CEP164: variants seen among roughly 807,000 people sequenced by gnomAD.
CEP164 encodes the protein centrosomal protein of 164 kDa.
A neutral mutation model predicts 182.7 loss-of-function variants in CEP164; 162 were observed. The observed-to-expected ratio is 0.89, with a 90% CI of 0.78 to 1.01. The LOEUF is 1.01. CEP164 is among the 50% of genes least tolerant of loss of function. The pLI, the probability that CEP164 is intolerant of heterozygous loss-of-function variation, is 0.00. For missense variants in CEP164, 1,735 were observed against 1,790.4 expected (o/e 0.97, Z 0.56); for synonymous variants, 661 against 690.0 (o/e 0.96, Z 0.66).
chr11:117,392,557 A>G lies in CEP164; in HGVS notation c.2423A>G (p.Gln808Arg). Residue 808 changes from glutamine (Q) to arginine (R), a missense_variant, in exon 19 of 33, where the codon CAG becomes CGG. Physicochemically the swap from Gln to Arg is conservative, Grantham distance 43 (BLOSUM62 1). Transcript: ENST00000278935. Reference sequence around the variant, plus strand: ...CAACAGAAAGAGGAGGCCCAGCTGCAGAAGTGCCTTGGGCAAGTGGAGCAC... The same window carrying G: ...CAACAGAAAGAGGAGGCCCAGCTGCGGAAGTGCCTTGGGCAAGTGGAGCAC... ...EAQQKEEAQL[Q>R]KCLGQVEHRV... 3 of 1,614,208 alleles carry G rather than the reference A, an allele frequency of 1.9e-6. No individual in the cohort carries two copies. Among genetic ancestry groups the G allele is most frequent in the Non-Finnish European group, 2.5e-6 (3 of 1,180,042 alleles).
intron 14 of CEP164, among the ~76,000 whole-genome samples, chr11:117,383,518 C>G (rs553828512): frequency 6.6e-6 from 1 of 152,192 alleles, no homozygotes; most frequent in East Asian, 1.9e-4. Flanking sequence ...TGGAATTATA[C>G]AGTATACAGG....
chr11:117,360,018 G>A (rs1823311752), intron 5 of CEP164, among the ~76,000 whole-genome samples: 1 of 152,196 alleles, frequency 6.6e-6, no homozygotes, highest in South Asian at 2.1e-4. Context: ...GAAAAGAAGG[G>A]ACCTGGTCAG....
intron 3 of CEP164, among the ~76,000 whole-genome samples, chr11:117,339,655 AG>A (rs765676110): frequency 1.1e-4 from 16 of 149,038 alleles, no homozygotes; most frequent in Non-Finnish European, 2.2e-4. Flanking sequence ...CAGCCTCCTG[AG>A]TAGCTAGAAC....
intron 18 of CEP164, 63 bp from the exon 19 acceptor site, chr11:117,392,433 A>C: frequency 6.3e-7 from 1 of 1,582,672 alleles, no homozygotes; most frequent in Non-Finnish European, 8.6e-7. Flanking sequence ...ACACATCCCC[A>C]CACAGCAGCT....
chr11:117,395,987 A>T, intron 24 of CEP164, 67 bp from the exon 25 acceptor site: 1 of 1,598,190 alleles, frequency 6.3e-7, no homozygotes, highest in Admixed American at 1.7e-5. Flanking sequence ...GATGGTTCTG[A>T]CCCACTTCAC....
At chr11:117,406,039 G>C (rs1239082322) in intron 27 of CEP164, among the ~76,000 whole-genome samples, 1 of 152,176 alleles carries the variant, frequency 6.6e-6, no homozygotes, top group Non-Finnish European at 1.5e-5. Context: ...GCCTCTGCCT[G>C]TTACCCATTT....
At chr11:117,377,925 T>C (rs2136061181) in intron 11 of CEP164, among the ~76,000 whole-genome samples, 1 of 152,274 alleles carries the variant, frequency 6.6e-6, no homozygotes, top group South Asian at 2.1e-4. Context: ...AGTGTCATGA[T>C]CTTGGCTCAC....
At chr11:117,355,418 G>A (rs1212052972) in intron 5 of CEP164, 2 of 1,289,640 alleles carry the variant, frequency 1.6e-6, no homozygotes, top group African/African-American at 3.0e-5. Flanking sequence ...CCAGGCCTCT[G>A]TCCACTCAAA....
In CEP164 at chr11:117,411,745, A is replaced by T. The variant is rs1323540679; in HGVS notation, c.4164-50A>T. 5 of 1,609,476 alleles carry T rather than the reference A, an allele frequency of 3.1e-6. No homozygotes were observed. In the South Asian group the frequency reaches 5.5e-5, roughly 18 times the overall value. Reference sequence around the variant, plus strand: ...TGATGGCCTCTGTGCATCCTCTGTCACTTCCGCGCCTCCTCTCTCCCCTCG... The same window carrying T: ...TGATGGCCTCTGTGCATCCTCTGTCTCTTCCGCGCCTCCTCTCTCCCCTCG... On this transcript the variant is annotated intron_variant, in intron 31 of 32. Coordinates refer to ENST00000278935, the MANE Select transcript of CEP164 (RefSeq NM_014956.5). This position sits in a 1 kb window ranked among gnomAD's most constrained non-coding sequence, Gnocchi z 4.4.
At chr11:117,367,609 T>A (rs2041787337) in intron 8 of CEP164, among the ~76,000 whole-genome samples, 1 of 152,230 alleles carries the variant, frequency 6.6e-6, no homozygotes, top group Non-Finnish European at 1.5e-5. Flanking sequence ...TGTGCCATGT[T>A]GGTGTGCTGC....
intron 2 of CEP164, 88 bp from the exon 3 acceptor site, chr11:117,338,478 C>A: frequency 1.1e-6 from 1 of 942,456 alleles, no homozygotes; most frequent in South Asian, 1.4e-5. Flanking sequence ...CTGGTTTGAC[C>A]CAGATGCTCC....
At chr11:117,336,419 G>A in intron 2 of CEP164, 1 of 1,390,034 alleles carries the variant, frequency 7.2e-7, no homozygotes, top group Non-Finnish European at 1.0e-6. Context: ...CCCGAGGATT[G>A]GCATCCTGGA....
Position 117,361,868 on chromosome 11 carries a change from C to G in CEP164, c.427C>G (p.Pro143Ala). The G allele has an allele frequency of 6.2e-7, 1 of 1,614,184 alleles. No homozygotes were observed. The highest frequency in any genetic ancestry group is 8.5e-7 in the Non-Finnish European group (1 of 1,180,036). The stretch of plus-strand genomic sequence containing the variant: ...TTCCTCATTAGCCCCAGTTCATGTT[C>G]CTCTTGGGGGCCTGGCTCCTTTACG... Reference protein sequence around the residue: ...LGSSLAPVHVPLGGLAPLRGL... With the variant: ...LGSSLAPVHVALGGLAPLRGL... Residue 143 changes from proline (P) to alanine (A), a missense_variant, in exon 6 of 33, where the codon CCT becomes GCT. Transcript: ENST00000278935.
rs759095772 is a variant in CEP164, at chr11:117,411,939, A to G, written c.4286+22A>G. 3.1e-6 allele frequency: 5 copies of G among 1,613,588 alleles called. No individual in the cohort carries two copies. The African/African-American group carries it at 6.7e-5, about 22-fold the overall frequency. ...GGTTGTATCCTTTTACCTGGTTCCC[A>G]AACTGGGCTGGGCTGTGGGGACTGT... On this transcript the variant is annotated intron_variant, in intron 32 of 32. Transcript: ENST00000278935. The surrounding 1 kb of genome is among the most constrained non-coding windows in gnomAD (Gnocchi z 4.4).
chr11:117,381,711 C>A lies in CEP164; in HGVS notation c.1420C>A (p.Pro474Thr). The part of the protein sequence containing the change: ...SKGLEERLSP[P>T]LPHEERAQSP... ...GCCCGGCCTGACCAGGTTATCTCCT[C>A]CACTTCCACACGAGGAGCGGGCCCA... The change falls in exon 13 of 33, where the codon CCA becomes ACA. Residue 474 changes from proline (P) to threonine (T), a missense_variant. Transcript: ENST00000278935. The A allele has an allele frequency of 6.2e-7, 1 of 1,609,580 alleles. No individual in the cohort carries two copies. The highest frequency in any genetic ancestry group is 1.7e-5 in the Admixed American group (1 of 59,616).
Position 117,382,790 on chromosome 11 carries a change from A to C in CEP164, c.1578-6A>C. ...TTAACACAGTTGTTTCCTTACTGCT[A>C]TCAAGGGAGCAGGCCCCAAGCCCAC... On this transcript the variant is annotated splice_region_variant and splice_polypyrimidine_tract_variant and intron_variant, in intron 13 of 32. Transcript: ENST00000278935. The C allele has an allele frequency of 6.2e-7, 1 of 1,613,690 alleles. No homozygotes were observed. The highest frequency in any genetic ancestry group is 2.2e-5 in the East Asian group (1 of 44,880).
intron 27 of CEP164, among the ~76,000 whole-genome samples, chr11:117,399,958 T>A (rs2136597356): frequency 6.6e-6 from 1 of 152,338 alleles, no homozygotes; most frequent in East Asian, 1.9e-4. Context: ...CTGATGGTAG[T>A]TTCTTTTGCT....
At chr11:117,336,583 T>C in intron 2 of CEP164, 14 of 1,491,098 alleles carry the variant, frequency 9.4e-6, no homozygotes, top group Non-Finnish European at 1.2e-5. Flanking sequence ...GCACCCAGTG[T>C]TGGGGGATAT....
At chr11:117,342,824 G>A (rs977725284) in intron 3 of CEP164, among the ~76,000 whole-genome samples, 21 of 152,058 alleles carry the variant, frequency 1.4e-4, no homozygotes, top group Non-Finnish European at 2.2e-4. Context: ...CTTCAGTTCT[G>A]TGGCAAAAGA....
Sources: gnomAD v4.1 joint callset for allele counts (sites outside exome capture counted in the v4.1 genomes callset) on GRCh38, gnomAD v4.1.1 for gene constraint, Gnocchi (gnomAD v3.1) non-coding constraint, MANE v1.5 for transcripts, NCBI Gene and HGNC (gene_info 2026-07-23, HGNC 2026-07-21) for gene names.